The following MAPK10 variants were observed in gnomAD, a reference collection of about 807,000 sequenced individuals.
The protein encoded by MAPK10 is JNK3 alpha protein kinase.
Under a neutral mutation model 59.3 loss-of-function variants are expected in MAPK10, and 25 were observed. The observed-to-expected ratio is 0.42, with a 90% CI of 0.31 to 0.59. MAPK10 has a LOEUF of 0.59. Among genes scored for constraint, MAPK10 ranks in the 20% least tolerant of loss-of-function variants. MAPK10 has a pLI of 0.15. For missense variants in MAPK10, 351 were observed against 568.9 expected (o/e 0.62, Z 3.90); for synonymous variants, 190 against 200.5 (o/e 0.95, Z 0.44).
At chr4:86,170,382 G>GA (rs2073725698) in intron 3 of MAPK10, among the ~76,000 whole-genome samples, 1 of 151,370 alleles carries the variant, frequency 6.6e-6, no homozygotes, top group East Asian at 1.9e-4. Flanking sequence ...CAAGCAAATG[G>GA]AAAACAAAAA....
At chr4:86,566,091 G>C (rs115847222) in intron 1 of MAPK10, among the ~76,000 whole-genome samples, 1,764 of 152,206 alleles carry the variant, frequency 0.012, 13 homozygotes, top group Non-Finnish European at 0.018. Context: ...TAACATCCTT[G>C]TGGAACATCC....
At chr4:86,348,883 G>T (rs188132877) in intron 2 of MAPK10, among the ~76,000 whole-genome samples, 1 of 151,866 alleles carries the variant, frequency 6.6e-6, no homozygotes, top group Non-Finnish European at 1.5e-5. Context: ...TCTCTTCTCC[G>T]GGCAAAACAC....
chr4:86,377,862 C>T (rs1316154012), intron 1 of MAPK10, among the ~76,000 whole-genome samples: 2 of 152,066 alleles, frequency 1.3e-5, no homozygotes, highest in African/African-American at 4.8e-5. Flanking sequence ...GCATCCAGCA[C>T]AAGAGAAAGA....
In MAPK10 at chr4:86,375,740, A is replaced by ATT. The variant is rs1306459391; in HGVS notation, c.-121-21097_-121-21096insAA. 2.7e-3 allele frequency among the ~76,000 whole-genome samples: 407 copies of ATT among 151,022 alleles called. 4 individuals are homozygous for ATT. Among genetic ancestry groups the ATT allele is most frequent in the African/African-American group, 9.3e-3 (383 of 41,110 alleles). On this transcript the variant is annotated intron_variant, in intron 1 of 13. Transcript: ENST00000361569. ...AAAAAAAAAAAAAAAAAAAAAAAAA[A>ATT]AAATTAAATGGAAAGAAGATTCTGT...
intron 3 of MAPK10, among the ~76,000 whole-genome samples, chr4:86,165,543 ATTTTTTTTTT>A (rs10525325): frequency 5.1e-4 from 29 of 57,294 alleles, no homozygotes; most frequent in African/African-American, 1.4e-3. Context: ...CTCCCAGATA[ATTTTTTTTTT>A]TTTTTTTTTT....
At chr4:86,403,987 C>A (rs1184168335) in intron 1 of MAPK10, among the ~76,000 whole-genome samples, 2 of 152,108 alleles carry the variant, frequency 1.3e-5, no homozygotes, top group Non-Finnish European at 2.9e-5. Flanking sequence ...TGTTTACCCT[C>A]CCAAGGTTAA....
intron 1 of MAPK10, among the ~76,000 whole-genome samples, chr4:86,399,520 T>C (rs1419152374): frequency 6.6e-6 from 1 of 152,180 alleles, no homozygotes; most frequent in African/African-American, 2.4e-5. Context: ...TTCTGTAGGT[T>C]GTCTGTTTAT....
intron 1 of MAPK10, among the ~76,000 whole-genome samples, chr4:86,577,857 C>G (rs976331612): frequency 6.6e-6 from 1 of 152,028 alleles, no homozygotes; most frequent in African/African-American, 2.4e-5. Context: ...ATTTTAAATA[C>G]CATTTTATTG....
intron 2 of MAPK10, among the ~76,000 whole-genome samples, chr4:86,249,107 T>A (rs2093278187): frequency 6.6e-6 from 1 of 152,162 alleles, no homozygotes; most frequent in African/African-American, 2.4e-5. Context: ...TTCTGTCAGT[T>A]CCCTTGTGAG....
At chr4:86,435,923 T>G (rs1275217557) in intron 1 of MAPK10, among the ~76,000 whole-genome samples, 1 of 152,222 alleles carries the variant, frequency 6.6e-6, no homozygotes, top group African/African-American at 2.4e-5. Context: ...TTGTGTATAT[T>G]AAATCATATC....
At chr4:86,374,386 C>A (rs1018719702) in intron 1 of MAPK10, among the ~76,000 whole-genome samples, 1 of 152,068 alleles carries the variant, frequency 6.6e-6, no homozygotes, top group Non-Finnish European at 1.5e-5. Flanking sequence ...GCACATGTAT[C>A]CCAGAACTTA....
intron 2 of MAPK10, among the ~76,000 whole-genome samples, chr4:86,213,904 A>G (rs1362188126): frequency 1.3e-5 from 2 of 152,096 alleles, no homozygotes; most frequent in African/African-American, 4.8e-5. Flanking sequence ...AAAGCCAGAC[A>G]AAGATATTAC....
chr4:86,079,337 T>TA (rs1481699236), intron 9 of MAPK10, among the ~76,000 whole-genome samples: 1 of 152,072 alleles, frequency 6.6e-6, no homozygotes, highest in Non-Finnish European at 1.5e-5. Flanking sequence ...TACTTACAAA[T>TA]AAAAAAATGG....
intron 2 of MAPK10, among the ~76,000 whole-genome samples, chr4:86,274,922 A>G (rs1583885523): frequency 6.6e-6 from 1 of 152,038 alleles, no homozygotes. Flanking sequence ...AATTTGGCTT[A>G]GGGCTCTGAC....
chr4:86,581,407 T>C (rs1280495769), intron 1 of MAPK10, among the ~76,000 whole-genome samples: 1 of 152,114 alleles, frequency 6.6e-6, no homozygotes, highest in Non-Finnish European at 1.5e-5. Flanking sequence ...CTTCTAAAGG[T>C]TGAAATTAGT....
chr4:86,550,374 TAA>T (rs753508493), intron 1 of MAPK10, among the ~76,000 whole-genome samples: 21 of 77,386 alleles, frequency 2.7e-4, no homozygotes, highest in African/African-American at 1.4e-3. Flanking sequence ...GAGCTTCAGT[TAA>T]AAAAAAAAAA....
intron 1 of MAPK10, among the ~76,000 whole-genome samples, chr4:86,463,735 C>T (rs1031556026): frequency 6.6e-6 from 1 of 152,140 alleles, no homozygotes; most frequent in Admixed American, 6.6e-5. Flanking sequence ...TCTAGGCATT[C>T]CTACCTATGC....
intron 4 of MAPK10, among the ~76,000 whole-genome samples, chr4:86,122,877 G>A (rs1401839993): frequency 6.6e-6 from 1 of 151,994 alleles, no homozygotes; most frequent in Non-Finnish European, 1.5e-5. Flanking sequence ...CATCAATGAT[G>A]TCTTCATTTT....
chr4:86,358,370 C>G, intron 1 of MAPK10: 1 of 985,390 alleles, frequency 1.0e-6, no homozygotes, highest in African/African-American at 1.7e-5. Flanking sequence ...GCCTGGTGCA[C>G]TTACACTCGT....
Sources: gnomAD v4.1 joint callset for allele counts (sites outside exome capture counted in the v4.1 genomes callset) on GRCh38, gnomAD v4.1.1 for gene constraint, MANE v1.5 for transcripts, NCBI Gene and HGNC (gene_info 2026-07-23, HGNC 2026-07-21) for gene names.